Variants in KCNMB2 observed in about 807,000 individuals in gnomAD.
KCNMB2 encodes calcium-activated potassium channel subunit beta-2.
Under a neutral mutation model 24.5 loss-of-function variants are expected in KCNMB2, and 9 were observed. The observed-to-expected ratio is 0.37, with a 90% CI of 0.22 to 0.64. KCNMB2 has a LOEUF of 0.64. KCNMB2 is among the 30% of genes least tolerant of loss of function. The pLI is 0.63. For synonymous variants in KCNMB2, 109 were observed against 104.4 expected (o/e 1.04, Z -0.27); for missense variants, 226 against 284.3 (o/e 0.79, Z 1.47).
chr3:178,717,454 G>A (rs1409083800), intron 1 of KCNMB2, among the ~76,000 whole-genome samples: 3 of 152,084 alleles, frequency 2.0e-5, no homozygotes, highest in African/African-American at 7.2e-5. Context: ...TCCAGTTAAT[G>A]ATGAAGCCTA....
chr3:178,563,920 C>A (rs531031245), intron 1 of KCNMB2, among the ~76,000 whole-genome samples: 231 of 152,102 alleles, frequency 1.5e-3, no homozygotes, highest in South Asian at 2.1e-3. Context: ...TCTTAAAATC[C>A]CCAAAACATG....
intron 1 of KCNMB2, among the ~76,000 whole-genome samples, chr3:178,559,434 T>C (rs556556751): frequency 5.9e-5 from 9 of 152,098 alleles, no homozygotes; most frequent in African/African-American, 2.2e-4. Context: ...TTCTTGTATT[T>C]GAACAATTTT....
intron 2 of KCNMB2, among the ~76,000 whole-genome samples, chr3:178,823,824 C>T (rs920850102): frequency 7.2e-5 from 11 of 152,160 alleles, no homozygotes; most frequent in African/African-American, 2.7e-4. Context: ...ACTCTGGTTC[C>T]TCTCCCAAGC....
chr3:178,589,002 A>T (rs7618661), intron 1 of KCNMB2, among the ~76,000 whole-genome samples: 149,071 of 152,356 alleles, frequency 0.98, 72,935 homozygotes, highest in Middle Eastern at 1. Flanking sequence ...ATGAACTGAT[A>T]CCCTTCAGGC....
At chr3:178,580,121 C>T (rs186507718) in intron 1 of KCNMB2, among the ~76,000 whole-genome samples, 2 of 152,304 alleles carry the variant, frequency 1.3e-5, no homozygotes, top group East Asian at 3.9e-4. Context: ...TGAAAATCCT[C>T]AGTAAAATAC....
intron 1 of KCNMB2, among the ~76,000 whole-genome samples, chr3:178,559,753 T>C (rs1479004208): frequency 6.7e-6 from 1 of 150,112 alleles, no homozygotes; most frequent in Non-Finnish European, 1.5e-5. Context: ...GAATCTCTAA[T>C]ATTCCTGGTA....
chr3:178,707,714 T>C (rs1291154603), intron 1 of KCNMB2, among the ~76,000 whole-genome samples: 1 of 134,630 alleles, frequency 7.4e-6, no homozygotes, highest in Non-Finnish European at 1.6e-5. Flanking sequence ...GTTAAAATCA[T>C]TAAATGGGAG....
chr3:178,629,066 TATA>T (rs1473619882), intron 1 of KCNMB2, among the ~76,000 whole-genome samples: 1 of 152,178 alleles, frequency 6.6e-6, no homozygotes, highest in Admixed American at 6.5e-5. Context: ...TCTCCTTTTC[TATA>T]ATATTTAAAA....
intron 1 of KCNMB2, among the ~76,000 whole-genome samples, chr3:178,771,096 C>G (rs546412119): frequency 6.6e-6 from 1 of 152,262 alleles, no homozygotes; most frequent in South Asian, 2.1e-4. Context: ...ACCAAAATCA[C>G]AATACCATTC....
intron 1 of KCNMB2, among the ~76,000 whole-genome samples, chr3:178,659,015 T>G (rs1197974077): frequency 6.6e-6 from 1 of 152,146 alleles, no homozygotes; most frequent in African/African-American, 2.4e-5. Context: ...AGAAAGCCAA[T>G]AGTAAAGTGA....
intron 1 of KCNMB2, among the ~76,000 whole-genome samples, chr3:178,586,877 G>T (rs184841044): frequency 6.6e-6 from 1 of 151,834 alleles, no homozygotes; most frequent in Non-Finnish European, 1.5e-5. Context: ...GTGGTTTCTC[G>T]GTTTGATGTC....
At chr3:178,585,099 A>G (rs999049218) in intron 1 of KCNMB2, among the ~76,000 whole-genome samples, 3 of 152,196 alleles carry the variant, frequency 2.0e-5, no homozygotes, top group Non-Finnish European at 4.4e-5. Flanking sequence ...GTCAAATTAA[A>G]ACTCTCTGGA....
intron 1 of KCNMB2, among the ~76,000 whole-genome samples, chr3:178,685,918 A>G (rs959264128): frequency 6.6e-6 from 1 of 152,214 alleles, no homozygotes; most frequent in African/African-American, 2.4e-5. Context: ...GGTTAGTCAA[A>G]GTAAAAAGTC....
rs150012643 is a variant in KCNMB2, at chr3:178,688,049, T to A, written c.-67-119294T>A. Among the ~76,000 whole-genome samples, 28 of 152,218 alleles carry A rather than the reference T, an allele frequency of 1.8e-4. No homozygotes were observed. In the East Asian group the frequency reaches 5.4e-3, roughly 29 times the overall value. On this transcript the variant is annotated intron_variant, in intron 1 of 4. Transcript: ENST00000452583. ...TGGAATACAGGAGGAGGAAAGAGGTTAGGTTTGGGGTGAGAAAAATTGAGA... is the reference window on the plus strand; with the variant it reads ...TGGAATACAGGAGGAGGAAAGAGGTAAGGTTTGGGGTGAGAAAAATTGAGA...
chr3:178,663,645 C>T (rs566935086), intron 1 of KCNMB2, among the ~76,000 whole-genome samples: 2 of 152,262 alleles, frequency 1.3e-5, no homozygotes, highest in South Asian at 4.1e-4. Flanking sequence ...AAAGATTGAA[C>T]TTTACATAGC....
At chr3:178,707,235 T>C (rs188457028) in intron 1 of KCNMB2, among the ~76,000 whole-genome samples, 4 of 152,258 alleles carry the variant, frequency 2.6e-5, no homozygotes, top group African/African-American at 9.6e-5. Flanking sequence ...TTGGGTAAAC[T>C]AATTAAATAT....
intron 1 of KCNMB2, among the ~76,000 whole-genome samples, chr3:178,603,035 T>G (rs1718144833): frequency 6.6e-6 from 1 of 152,128 alleles, no homozygotes; most frequent in African/African-American, 2.4e-5. Context: ...GGAGAGGTGA[T>G]GGACTGTGAT....
chr3:178,540,782 C>T (rs558733943), intron 1 of KCNMB2, among the ~76,000 whole-genome samples: 102 of 152,302 alleles, frequency 6.7e-4, no homozygotes, highest in Non-Finnish European at 1.1e-3. Context: ...TATTCCCAGA[C>T]AATGCTTTCT....
chr3:178,600,963 G>A (rs749899166), intron 1 of KCNMB2, among the ~76,000 whole-genome samples: 2 of 152,052 alleles, frequency 1.3e-5, no homozygotes, highest in Non-Finnish European at 2.9e-5. Flanking sequence ...ATCAATGATA[G>A]ACTAGATAAA....
Sources: gnomAD v4.1 joint callset for allele counts (sites outside exome capture counted in the v4.1 genomes callset) on GRCh38, gnomAD v4.1.1 for gene constraint, MANE v1.5 for transcripts, NCBI Gene and HGNC (gene_info 2026-07-23, HGNC 2026-07-21) for gene names.